AK3: variants seen among roughly 807,000 people sequenced by gnomAD.
AK3 encodes adenylate kinase 3, also known as GTP:AMP phosphotransferase AK3, mitochondrial.
In AK3, 27 loss-of-function variants were observed where a neutral mutation model predicts 23.7. That is an observed-to-expected ratio of 1.14 (90% CI 0.84 to 1.57). The LOEUF is 1.57. AK3 is among the 40% of genes most tolerant of loss of function. AK3 has a pLI of 0.00. For missense variants in AK3, 406 were observed against 285.6 expected, an observed-to-expected ratio of 1.42 and a Z score of -3.04; for synonymous variants, 159 against 116.0, an observed-to-expected ratio of 1.37 and a Z score of -2.38.
In AK3 at chr9:4,741,093, C is replaced by T. The variant is rs1487285100; in HGVS notation, c.-6G>A. 7 of 1,528,330 alleles carry T rather than the reference C, an allele frequency of 4.6e-6. No individual in the cohort carries two copies. The East Asian group carries it at 1.6e-4, about 35-fold the overall frequency. 94.7% of individuals were successfully genotyped at this position (1,528,330 alleles called of 1,614,324 possible). A position where few individuals can be genotyped will look rare whatever the true frequency, so the allele number is the denominator to read the frequency against. ...AGCCGCGCGGACGCCCCCATGGCCG[C>T]AGACTGAGGCCCGCACCGCGCGGGT... On this transcript the variant is annotated 5_prime_UTR_variant, in exon 1 of 5. Transcript: ENST00000381809.
chr9:4,714,032 A>T (rs370326540), intron 4 of AK3, among the ~76,000 whole-genome samples: 2 of 87,476 alleles, frequency 2.3e-5, no homozygotes, highest in Admixed American at 2.4e-4. Context: ...ACAGCTACAC[A>T]TATACATCTA....
upstream of AK3, chr9:4,741,270 G>A (rs190085408): frequency 2.0e-5 from 11 of 557,696 alleles, no homozygotes; most frequent in Middle Eastern, 1.0e-3. Flanking sequence ...GCGGGACCCC[G>A]CTGTTGCGTC....
At chr9:4,740,900 G>C (rs1047223148) in intron 1 of AK3, 37 bp downstream of exon 1, 4 of 1,474,538 alleles carry the variant, frequency 2.7e-6, no homozygotes, top group Non-Finnish European at 2.7e-6. Flanking sequence ...CGACCCGGGT[G>C]ACAGCGCACG....
chr9:4,724,471 A>G (rs576172055), intron 1 of AK3, among the ~76,000 whole-genome samples: 7 of 152,318 alleles, frequency 4.6e-5, no homozygotes, highest in Non-Finnish European at 1.0e-4. Context: ...TGCCCTTGCC[A>G]CTTCTATACA....
chr9:4,720,606 C>CTT, intron 2 of AK3, among the ~76,000 whole-genome samples: 1 of 151,246 alleles, frequency 6.6e-6, no homozygotes, highest in Non-Finnish European at 1.5e-5. Context: ...AGGAGGATTG[C>CTT]CTGAGCTCAG....
intron 1 of AK3, among the ~76,000 whole-genome samples, chr9:4,738,397 C>T (rs1587662836): frequency 6.6e-6 from 1 of 152,180 alleles, no homozygotes. Flanking sequence ...AACTCCTGAC[C>T]TCTGGTGATT....
intron 1 of AK3, among the ~76,000 whole-genome samples, chr9:4,727,755 G>C (rs1163443960): frequency 6.6e-6 from 1 of 152,164 alleles, no homozygotes; most frequent in Non-Finnish European, 1.5e-5. Context: ...CCTGGTTTCA[G>C]CCTGTCTTGG....
At chr9:4,716,058 C>A (rs954977865) in intron 4 of AK3, among the ~76,000 whole-genome samples, 6 of 152,114 alleles carry the variant, frequency 3.9e-5, no homozygotes, top group African/African-American at 1.4e-4. Context: ...GAGACTGAAG[C>A]CAGCACAGGA....
rs1162836557 is a variant in AK3 at position 4,709,849 on chromosome 9, G to A, written c.*3127C>T. 1 of 151,990 alleles carries A rather than the reference G, an allele frequency of 6.6e-6. No homozygotes were observed. The highest frequency in any genetic ancestry group is 6.6e-5 in the Admixed American group (1 of 15,258). The allele number at this position is 151,990 out of a possible 1,614,324, so 9.4% of individuals were successfully genotyped here. A position where few individuals can be genotyped will look rare whatever the true frequency, so the allele number is the denominator to read the frequency against. ...TTTATTTTTATTTTTTGGTCAATGA[G>A]AAGACACAACATATTCTAAAATACA... On this transcript the variant is annotated 3_prime_UTR_variant, in exon 5 of 5. Coordinates refer to ENST00000381809, the MANE Select transcript of AK3 (RefSeq NM_016282.4).
intron 2 of AK3, among the ~76,000 whole-genome samples, chr9:4,721,806 C>G (rs944560504): frequency 6.6e-6 from 1 of 152,150 alleles, no homozygotes; most frequent in Non-Finnish European, 1.5e-5. Context: ...TGTGCTTATC[C>G]AAGTTTTTGT....
chr9:4,739,438 C>A (rs1842372662), intron 1 of AK3, among the ~76,000 whole-genome samples: 1 of 150,690 alleles, frequency 6.6e-6, no homozygotes, highest in South Asian at 2.1e-4. Context: ...AAGTGATCCG[C>A]CCGCCTTGAC....
chr9:4,735,518 C>T (rs1340122886), intron 1 of AK3, among the ~76,000 whole-genome samples: 3 of 134,024 alleles, frequency 2.2e-5, no homozygotes, highest in Non-Finnish European at 4.6e-5. Context: ...CACTGTGTTG[C>T]CCAGGCTGGA....
At chr9:4,737,969 A>T (rs970192327) in intron 1 of AK3, among the ~76,000 whole-genome samples, 4 of 152,216 alleles carry the variant, frequency 2.6e-5, no homozygotes, top group Admixed American at 2.0e-4. Context: ...AAATTGGCAC[A>T]ATCCTTCTGT....
intron 1 of AK3, among the ~76,000 whole-genome samples, chr9:4,723,316 T>G (rs546879716): frequency 5.3e-5 from 8 of 152,202 alleles, no homozygotes; most frequent in Non-Finnish European, 8.8e-5. Context: ...AATAAGAATC[T>G]GAAATCATCA....
At position 4,710,489 on chromosome 9, in the gene AK3, G is replaced by C. The variant is rs918985632; in HGVS notation, c.*2487C>G. 1 of 152,032 alleles carries C rather than the reference G, an allele frequency of 6.6e-6. No individual in the cohort carries two copies. The highest frequency in any genetic ancestry group is 1.5e-5 in the Non-Finnish European group (1 of 68,076). 9.4% of individuals were successfully genotyped at this position (152,032 alleles called of 1,614,324 possible). On this transcript the variant is annotated 3_prime_UTR_variant, in exon 5 of 5. Coordinates refer to ENST00000381809, the MANE Select transcript of AK3 (RefSeq NM_016282.4). ...CCGCCTCGGCCTCCCAAAGTGCTGG[G>C]ATTACAGGCGTGAGCCACCGCGCCC...
chr9:4,719,151 T>G lies in AK3; in HGVS notation c.428A>C (p.Asn143Thr), dbSNP rs755633461. 1.9e-6 allele frequency: 3 copies of G among 1,611,468 alleles called. No individual in the cohort carries two copies. The highest frequency in any genetic ancestry group is 2.5e-6 in the Non-Finnish European group (3 of 1,179,736). Residue 143 changes from asparagine (N) to threonine (T), a missense_variant, in exon 3 of 5, where the codon AAC (asparagine) becomes ACC (threonine). Coordinates refer to ENST00000381809, the MANE Select transcript of AK3 (RefSeq NM_016282.4). Reference sequence around the variant, plus strand: ...ACTACTCACCACAGTTTTGGGAGGGTTGAATTCAATGTTATAGACTCGGCC... The same window carrying G: ...ACTACTCACCACAGTTTTGGGAGGGGTGAATTCAATGTTATAGACTCGGCC... ...ASGRVYNIEF[N>T]PPKTVGIDDL...
intron 1 of AK3, among the ~76,000 whole-genome samples, chr9:4,727,803 T>C (rs1486296361): frequency 6.6e-6 from 1 of 152,244 alleles, no homozygotes; most frequent in East Asian, 1.9e-4. Context: ...TAATCATTTC[T>C]AGCTTTTGAT....
intron 1 of AK3, 111 bp downstream of exon 1, chr9:4,740,826 G>C (rs1250221708): frequency 7.9e-7 from 1 of 1,272,080 alleles, no homozygotes; most frequent in Non-Finnish European, 1.0e-6. Context: ...GGCGGCGGGA[G>C]GGAAATGCCG....
At chr9:4,719,371 C>T (rs1298983672) in intron 2 of AK3, 64 bp from the exon 3 acceptor site, 2 of 209,730 alleles carry the variant, frequency 9.5e-6, no homozygotes, top group African/African-American at 7.6e-5. Flanking sequence ...GGGGGTGGGG[C>T]GGGTGGAGAA....
Sources: allele counts gnomAD v4.1 joint callset (sites outside exome capture counted in the v4.1 genomes callset), GRCh38; gene constraint gnomAD v4.1.1; transcripts MANE v1.5; gene names NCBI Gene and HGNC (gene_info 2026-07-23, HGNC 2026-07-21).